LGMN: variants seen among roughly 807,000 people sequenced by gnomAD.
LGMN encodes asparaginyl endopeptidase.
In LGMN, 36 loss-of-function variants were observed where a neutral mutation model predicts 56.8. That is an observed-to-expected ratio of 0.63 (90% CI 0.49 to 0.84). The LOEUF is 0.84. Among genes scored for constraint, LGMN ranks in the 40% least tolerant of loss-of-function variants. LGMN has a pLI of 0.00. For missense variants in LGMN, 446 were observed against 556.1 expected, an observed-to-expected ratio of 0.80 and a Z score of 1.99; for synonymous variants, 199 against 210.1, an observed-to-expected ratio of 0.95 and a Z score of 0.46.
At chr14:92,736,793 C>T (rs757316727) in intron 1 of LGMN, among the ~76,000 whole-genome samples, 1 of 152,114 alleles carries the variant, frequency 6.6e-6, no homozygotes, top group African/African-American at 2.4e-5. Context: ...TTTTACCCAG[C>T]CCTTGTTCAT....
chr14:92,738,649 CAG>C (rs759465884), intron 1 of LGMN, among the ~76,000 whole-genome samples: 32 of 152,000 alleles, frequency 2.1e-4, no homozygotes, highest in Non-Finnish European at 3.2e-4. Context: ...CTTATAAACA[CAG>C]AGTCGTGATT....
In LGMN at chr14:92,716,224, A is replaced by G. The variant is rs768706166; in HGVS notation, c.319-3T>C. On this transcript the variant is annotated splice_region_variant and splice_polypyrimidine_tract_variant and intron_variant, in intron 4 of 13. Coordinates refer to ENST00000334869, the MANE Select transcript of LGMN (RefSeq NM_005606.7). The stretch of plus-strand genomic sequence containing the variant: ...AGGAAATTTTGTGGGGTAACATCCT[A>G]CAAAGAATTAGGAGCCACAATCAGA... 1.2e-6 allele frequency: 2 copies of G among 1,609,350 alleles called. No homozygotes were observed.
intron 1 of LGMN, among the ~76,000 whole-genome samples, chr14:92,735,539 C>T (rs1340834611): frequency 6.6e-6 from 1 of 152,094 alleles, no homozygotes; most frequent in Non-Finnish European, 1.5e-5. Context: ...TGTCAGGTGA[C>T]ACTATGCTGC....
At chr14:92,726,161 C>T (rs993443467) in intron 2 of LGMN, among the ~76,000 whole-genome samples, 1 of 151,414 alleles carries the variant, frequency 6.6e-6, no homozygotes, top group African/African-American at 2.4e-5. Flanking sequence ...CGCTTAAACC[C>T]AGGAGGCGGA....
At chr14:92,736,941 C>T (rs1891334540) in intron 1 of LGMN, among the ~76,000 whole-genome samples, 1 of 152,160 alleles carries the variant, frequency 6.6e-6, no homozygotes. Flanking sequence ...ATCCATGTCC[C>T]CCAAGCTCTT....
At position 92,711,921 on chromosome 14, in the gene LGMN, C is replaced by G; in HGVS notation, c.645G>C (p.Ser215=). The change falls in exon 9 of 14, where the codon TCG becomes TCC. Residue 215 remains serine (S), a synonymous_variant. Transcript: ENST00000334869. ...TCTCATCATAGTAACAGGCGTAGGA[C>G]GACTCTCTGGGGTTGGCAGCAGTAG... ...YATTAANPRE[S]SYACYYDEKR... is the part of the protein sequence containing the mutation. 1 of 1,614,066 alleles carries G rather than the reference C, an allele frequency of 6.2e-7. No individual in the cohort carries two copies. Among genetic ancestry groups the G allele is most frequent in the South Asian group, 1.1e-5 (1 of 91,078 alleles).
At chr14:92,734,591 C>T (rs902927893) in intron 1 of LGMN, among the ~76,000 whole-genome samples, 1 of 150,630 alleles carries the variant, frequency 6.6e-6, no homozygotes, top group Non-Finnish European at 1.5e-5. Context: ...AGTGAGCCTG[C>T]ATCATAGCAC....
At position 92,711,821 on chromosome 14, in the gene LGMN, C is replaced by A. The variant is rs200654289; in HGVS notation, c.729+16G>T. 83 of 1,608,178 alleles carry A rather than the reference C, an allele frequency of 5.2e-5. No individual in the cohort carries two copies. Among genetic ancestry groups the A allele is most frequent in the Non-Finnish European group, 6.6e-5 (77 of 1,174,642 alleles). The stretch of plus-strand genomic sequence containing the variant: ...GGTTAAACCCCAGCTGAACAGCCAG[C>A]CCCCAAAGGGCTCACCACGTCCGAA... On this transcript the variant is annotated intron_variant, in intron 9 of 13. Coordinates refer to ENST00000334869, the MANE Select transcript of LGMN (RefSeq NM_005606.7).
intron 2 of LGMN, among the ~76,000 whole-genome samples, chr14:92,730,200 C>T (rs764504183): frequency 1.1e-4 from 17 of 152,002 alleles, no homozygotes; most frequent in Admixed American, 2.0e-4. Context: ...GCTGTGTGCG[C>T]GGGCTGCTCC....
Position 92,704,813 on chromosome 14 carries a change from C to T in LGMN, c.1192-106G>A, listed in dbSNP as rs1889344601. On this transcript the variant is annotated intron_variant, in intron 12 of 13. Coordinates refer to ENST00000334869, the MANE Select transcript of LGMN (RefSeq NM_005606.7). ...AGCATCTTGACCAGTGGCTCTTGCC[C>T]TATTTTGGTTCATGGATCCTTTCCC... 6 of 891,306 alleles carry T rather than the reference C, an allele frequency of 6.7e-6. No homozygotes were observed. The Admixed American group carries it at 1.0e-4, about 15-fold the overall frequency. The allele number at this position is 891,306 out of a possible 1,614,324, so 55.2% of individuals were successfully genotyped here. A position where few individuals can be genotyped will look rare whatever the true frequency, so the allele number is the denominator to read the frequency against.
chr14:92,719,165 C>CCAT (rs1278347574), intron 2 of LGMN, among the ~76,000 whole-genome samples: 3 of 88,148 alleles, frequency 3.4e-5, no homozygotes, highest in African/African-American at 1.2e-4. Context: ...ACTGCCACCA[C>CCAT]CACCACCACC....
rs1890695717 is a variant in LGMN, at chr14:92,725,469, AG to A, written c.139-6626del. 1.3e-5 allele frequency among the ~76,000 whole-genome samples: 2 copies of A among 152,232 alleles called. 1 individual carries two copies. The highest frequency in any genetic ancestry group is 4.1e-4 in the South Asian group (2 of 4,838). On this transcript the variant is annotated intron_variant, in intron 2 of 13. Transcript: ENST00000334869. ...CTACTCAAGAGGATCCCTCGAGCCC[AG>A]GAGTTTGAGGTTGCAGTGAGCTATG...
chr14:92,732,006 G>A (rs75022322), intron 2 of LGMN, among the ~76,000 whole-genome samples: 1 of 152,104 alleles, frequency 6.6e-6, no homozygotes, highest in Admixed American at 6.5e-5. Flanking sequence ...CAGGAAAGAT[G>A]GGGGAGGAGG....
At chr14:92,727,378 C>T (rs930939227) in intron 2 of LGMN, among the ~76,000 whole-genome samples, 1 of 141,856 alleles carries the variant, frequency 7.0e-6, no homozygotes, top group Non-Finnish European at 1.5e-5. Flanking sequence ...TGCAATGAGC[C>T]GAGATTGCAC....
chr14:92,704,470 C>G, intron 13 of LGMN, 109 bp from the exon 14 acceptor site: 1 of 1,061,876 alleles, frequency 9.4e-7, no homozygotes, highest in Non-Finnish European at 1.4e-6. Context: ...GCCCGCCCAG[C>G]AGCTGTCACT....
At chr14:92,729,467 G>GCC (rs777922277) in intron 2 of LGMN, among the ~76,000 whole-genome samples, 260 of 25,356 alleles carry the variant, frequency 0.01, 7 homozygotes, top group East Asian at 0.066. Context: ...CTCAGATCAC[G>GCC]CCCCCCCCCC....
At chr14:92,746,193 A>T (rs1317740395) in intron 1 of LGMN, among the ~76,000 whole-genome samples, 1 of 152,200 alleles carries the variant, frequency 6.6e-6, no homozygotes, top group Non-Finnish European at 1.5e-5. Context: ...TCTGATGAAC[A>T]TACAATGATC....
At chr14:92,740,644 C>T (rs1443092034) in intron 1 of LGMN, among the ~76,000 whole-genome samples, 1 of 152,194 alleles carries the variant, frequency 6.6e-6, no homozygotes, top group Non-Finnish European at 1.5e-5. Context: ...ACAGTTTCCT[C>T]CGGCAGTAGG....
At chr14:92,734,316 C>T (rs76578365) in intron 1 of LGMN, among the ~76,000 whole-genome samples, 4 of 152,166 alleles carry the variant, frequency 2.6e-5, no homozygotes, top group Admixed American at 6.5e-5. Flanking sequence ...GGCTCTCCAT[C>T]GCAAGACTTT....
Sources: gnomAD v4.1 joint callset for allele counts (sites outside exome capture counted in the v4.1 genomes callset) on GRCh38, gnomAD v4.1.1 for gene constraint, MANE v1.5 for transcripts, NCBI Gene and HGNC (gene_info 2026-07-23, HGNC 2026-07-21) for gene names.